Variants in CSMD3 observed in about 807,000 individuals in gnomAD.
CSMD3 encodes the protein CUB and sushi domain-containing protein 3.
In CSMD3, 177 loss-of-function variants were observed where a neutral mutation model predicts 435.2. The observed-to-expected ratio is 0.41, with a 90% CI of 0.36 to 0.46. The LOEUF is 0.46. Ranked by LOEUF, CSMD3 falls within the 20% of genes least tolerant of loss-of-function variation. The probability of loss-of-function intolerance (pLI) is 0.34; values close to 1 mark genes in which losing one functional copy is unlikely to be tolerated. For synonymous variants in CSMD3, 1,656 were observed against 1,520.5 expected (o/e 1.09, Z -2.07); for missense variants, 4,265 against 4,504.6 (o/e 0.95, Z 1.52).
At chr8:112,984,174 C>A (rs770710051) in intron 6 of CSMD3, among the ~76,000 whole-genome samples, 1 of 151,648 alleles carries the variant, frequency 6.6e-6, no homozygotes, top group African/African-American at 2.4e-5. Context: ...TGGGGTATTA[C>A]ATATAATTAT....
chr8:112,525,016 G>C (rs1317428923), intron 27 of CSMD3, among the ~76,000 whole-genome samples: 4 of 151,450 alleles, frequency 2.6e-5, no homozygotes. Context: ...TAAACTGTCG[G>C]TAGCTCGACT....
intron 24 of CSMD3, among the ~76,000 whole-genome samples, chr8:112,560,801 T>C (rs987894952): frequency 1.3e-5 from 2 of 151,706 alleles, no homozygotes; most frequent in Non-Finnish European, 3.0e-5. Context: ...TTTAAACGTC[T>C]TTGCTCAAAA....
intron 13 of CSMD3, among the ~76,000 whole-genome samples, chr8:112,791,689 T>TTTTGG (rs2078697029): frequency 5.3e-5 from 8 of 152,196 alleles, no homozygotes; most frequent in African/African-American, 1.7e-4. Flanking sequence ...ATCTACTATG[T>TTTTGG]ATATTCTCAT....
At chr8:112,894,822 T>G (rs2081903055) in intron 10 of CSMD3, among the ~76,000 whole-genome samples, 1 of 150,704 alleles carries the variant, frequency 6.6e-6, no homozygotes, top group South Asian at 2.1e-4. Context: ...ATAATTTAGC[T>G]GGAAAATTAA....
intron 1 of CSMD3, among the ~76,000 whole-genome samples, chr8:113,431,312 A>G (rs1236858541): frequency 6.6e-6 from 1 of 152,226 alleles, no homozygotes; most frequent in African/African-American, 2.4e-5. Context: ...AGAGATAGGG[A>G]AAAATAGCTA....
rs202014293 is a variant in CSMD3, at chr8:112,411,107, G to GA, written c.5396-2076dup. 2.8e-4 allele frequency among the ~76,000 whole-genome samples: 36 copies of GA among 126,368 alleles called. 1 individual carries two copies. Among genetic ancestry groups the GA allele is most frequent in the South Asian group, 7.9e-4 (3 of 3,808 alleles). The allele number at this position is 126,368 out of a possible 152,430, so 82.9% of individuals were successfully genotyped here. A position where few individuals can be genotyped will look rare whatever the true frequency, so the allele number is the denominator to read the frequency against. ...TCCAAGAGCTTTTTCTGAGGAAAAA[G>GA]AAAAAAAAATTCATCTTTTTTTTTT... On this transcript the variant is annotated intron_variant, in intron 32 of 70. Transcript: ENST00000297405.
At chr8:113,193,861 A>G (rs767326985) in intron 3 of CSMD3, among the ~76,000 whole-genome samples, 12 of 151,442 alleles carry the variant, frequency 7.9e-5, no homozygotes, top group Non-Finnish European at 1.8e-4. Flanking sequence ...AATATTTATA[A>G]ATGTGTACAT....
At chr8:112,876,483 C>G (rs1489233860) in intron 10 of CSMD3, among the ~76,000 whole-genome samples, 1 of 152,166 alleles carries the variant, frequency 6.6e-6, no homozygotes, top group Non-Finnish European at 1.5e-5. Context: ...GCTTATCCAC[C>G]ATGATCAAGT....
At chr8:112,682,011 TA>T (rs1305126527) in intron 16 of CSMD3, among the ~76,000 whole-genome samples, 1 of 152,088 alleles carries the variant, frequency 6.6e-6, no homozygotes, top group African/African-American at 2.4e-5. Context: ...ATATTTTAAA[TA>T]AATGGGTGTT....
chr8:113,238,515 G>A (rs2093175720), intron 3 of CSMD3, among the ~76,000 whole-genome samples: 1 of 152,110 alleles, frequency 6.6e-6, no homozygotes, highest in African/African-American at 2.4e-5. Flanking sequence ...TCAGGCAGGA[G>A]AGTTGCAAAG....
chr8:112,986,823 C>G (rs950858110), intron 6 of CSMD3, among the ~76,000 whole-genome samples: 2 of 151,980 alleles, frequency 1.3e-5, no homozygotes, highest in African/African-American at 4.8e-5. Context: ...TCGAGTAATA[C>G]TTTTTGACCT....
intron 13 of CSMD3, among the ~76,000 whole-genome samples, chr8:112,736,442 A>G (rs901803840): frequency 1.3e-5 from 2 of 151,996 alleles, no homozygotes; most frequent in Non-Finnish European, 2.9e-5. Context: ...GCTGCTCACA[A>G]TCTTTAGGAT....
At chr8:112,969,766 G>A (rs2130903759) in intron 7 of CSMD3, among the ~76,000 whole-genome samples, 1 of 152,104 alleles carries the variant, frequency 6.6e-6, no homozygotes, top group East Asian at 1.9e-4. Context: ...TTTAACAGCT[G>A]ATAGGACTTG....
At chr8:112,606,938 C>A in intron 22 of CSMD3, among the ~76,000 whole-genome samples, 1 of 55,664 alleles carries the variant, frequency 1.8e-5, no homozygotes, top group African/African-American at 6.3e-5. Flanking sequence ...AGAAAGATCT[C>A]AAATAAACAA....
At chr8:112,316,577 G>A (rs1175822979) in intron 47 of CSMD3, among the ~76,000 whole-genome samples, 2 of 151,506 alleles carry the variant, frequency 1.3e-5, no homozygotes, top group African/African-American at 2.4e-5. Context: ...AAGAATAACA[G>A]TAAATATTTG....
At chr8:113,376,708 C>A (rs1056965863) in intron 1 of CSMD3, 3 of 1,613,340 alleles carry the variant, frequency 1.9e-6, no homozygotes, top group South Asian at 2.2e-5. Context: ...AAAGGTTCGG[C>A]GCAAGGAGCC....
At chr8:112,392,634 G>A (rs1313930671) in intron 35 of CSMD3, among the ~76,000 whole-genome samples, 2 of 148,876 alleles carry the variant, frequency 1.3e-5, no homozygotes, top group African/African-American at 2.5e-5. Context: ...CCTCTCCATC[G>A]CCACCGCCAC....
intron 4 of CSMD3, among the ~76,000 whole-genome samples, chr8:113,139,590 A>G (rs2131723747): frequency 6.6e-6 from 1 of 151,372 alleles, no homozygotes; most frequent in Non-Finnish European, 1.5e-5. Flanking sequence ...TAAGAAATAC[A>G]CTAAAAATGC....
intron 3 of CSMD3, among the ~76,000 whole-genome samples, chr8:113,238,975 C>A (rs915779118): frequency 2.0e-5 from 3 of 152,060 alleles, no homozygotes; most frequent in African/African-American, 7.2e-5. Context: ...AATTGATAGA[C>A]CACACAAAGC....
Sources: gnomAD v4.1 joint callset for allele counts (sites outside exome capture counted in the v4.1 genomes callset) on GRCh38, gnomAD v4.1.1 for gene constraint, MANE v1.5 for transcripts, NCBI Gene and HGNC (gene_info 2026-07-23, HGNC 2026-07-21) for gene names.